Variants in CPNE8 observed in about 807,000 individuals in gnomAD.
The protein encoded by CPNE8 is copine-8.
CPNE8 carries 45 observed loss-of-function variants against 81.5 expected under a neutral mutation model. That is an observed-to-expected ratio of 0.55 (90% CI 0.44 to 0.71). CPNE8 has a LOEUF of 0.71. Ranked by LOEUF, CPNE8 falls within the 30% of genes least tolerant of loss-of-function variation. CPNE8 has a pLI of 0.00. For missense variants in CPNE8, 594 were observed against 672.1 expected, an observed-to-expected ratio of 0.88 and a Z score of 1.28; for synonymous variants, 252 against 226.3, an observed-to-expected ratio of 1.11 and a Z score of -1.02.
Position 38,685,575 on chromosome 12 carries a change from C to A in CPNE8, c.1186G>T (p.Val396Phe), listed in dbSNP as rs748500905. The part of the protein sequence containing the change: ...QNPYCDGIEG[V>F]MEAYYRSLKS... ...AGACTCCTGTAATAAGCCTCCATGA[C>A]CCCCTCAATGCCATCACAGTAGGGG... The change falls in exon 16 of 20, where the codon GTC (valine) becomes TTC (phenylalanine). Residue 396 changes from valine to phenylalanine, a missense_variant. Transcript: ENST00000331366. 1 of 1,613,390 alleles carries A rather than the reference C, an allele frequency of 6.2e-7. No individual in the cohort carries two copies. The highest frequency in any genetic ancestry group is 8.5e-7 in the Non-Finnish European group (1 of 1,179,592).
intron 3 of CPNE8, among the ~76,000 whole-genome samples, chr12:38,867,355 A>T (rs1331608122): frequency 6.6e-6 from 1 of 151,696 alleles, no homozygotes; most frequent in Non-Finnish European, 1.5e-5. Flanking sequence ...AGAGAGAGAG[A>T]GAGAGAGAGA....
At chr12:38,714,116 A>G (rs1404116403) in intron 13 of CPNE8, among the ~76,000 whole-genome samples, 1 of 152,178 alleles carries the variant, frequency 6.6e-6, no homozygotes, top group African/African-American at 2.4e-5. Context: ...ATTGAAATTT[A>G]TGATTCTGTC....
chr12:38,656,038 T>G (rs944804380), intron 19 of CPNE8, among the ~76,000 whole-genome samples: 9 of 150,926 alleles, frequency 6.0e-5, no homozygotes, highest in Non-Finnish European at 1.0e-4. Flanking sequence ...AGAACTTTTG[T>G]GAAGTGTTTA....
chr12:38,717,184 C>A (rs1416523929), intron 13 of CPNE8, among the ~76,000 whole-genome samples: 9 of 151,526 alleles, frequency 5.9e-5, no homozygotes, highest in Admixed American at 2.0e-4. Flanking sequence ...TTTTACACTG[C>A]TGGTGGGAAT....
chr12:38,793,735 T>C (rs1003531105), intron 6 of CPNE8, among the ~76,000 whole-genome samples: 4 of 151,908 alleles, frequency 2.6e-5, no homozygotes, highest in Non-Finnish European at 2.9e-5. Context: ...CTATAATTCA[T>C]ATAGAACCTC....
At chr12:38,813,449 A>G in intron 6 of CPNE8, among the ~76,000 whole-genome samples, 1 of 152,244 alleles carries the variant, frequency 6.6e-6, no homozygotes, top group East Asian at 1.9e-4. Context: ...TGATGCTATC[A>G]CAGAAATAAA....
At chr12:38,767,474 T>C (rs538578683) in intron 8 of CPNE8, among the ~76,000 whole-genome samples, 161 bp downstream of exon 8, 1 of 152,250 alleles carries the variant, frequency 6.6e-6, no homozygotes, top group East Asian at 1.9e-4. Flanking sequence ...AAAATGTTTA[T>C]AAAGTTGCAC....
intron 6 of CPNE8, among the ~76,000 whole-genome samples, chr12:38,808,267 G>T (rs545604376): frequency 2.0e-5 from 3 of 152,032 alleles, no homozygotes; most frequent in African/African-American, 7.2e-5. Context: ...ATACCCAAAC[G>T]AGTATAAATC....
intron 3 of CPNE8, among the ~76,000 whole-genome samples, chr12:38,866,320 A>C (rs1383405001): frequency 6.6e-6 from 1 of 152,334 alleles, no homozygotes; most frequent in South Asian, 2.1e-4. Context: ...GATTGAATGC[A>C]CAGCAGAATA....
chr12:38,836,637 C>T (rs905707572), intron 5 of CPNE8, among the ~76,000 whole-genome samples: 1 of 152,146 alleles, frequency 6.6e-6, no homozygotes, highest in Non-Finnish European at 1.5e-5. Flanking sequence ...CACATGCAAC[C>T]TGGGCACTTA....
chr12:38,844,282 A>G (rs1487934233), intron 4 of CPNE8, among the ~76,000 whole-genome samples: 1 of 152,174 alleles, frequency 6.6e-6, no homozygotes, highest in Non-Finnish European at 1.5e-5. Context: ...ATTATCCTCT[A>G]TCTGGCACAT....
At chr12:38,867,217 C>CCTCGTG (rs1943927105) in intron 3 of CPNE8, among the ~76,000 whole-genome samples, 1 of 151,928 alleles carries the variant, frequency 6.6e-6, no homozygotes, top group African/African-American at 2.4e-5. Context: ...CGAGGTTTCA[C>CCTCGTG]CTTTGGAAGC....
At chr12:38,795,272 C>T (rs1408621368) in intron 6 of CPNE8, among the ~76,000 whole-genome samples, 2 of 152,176 alleles carry the variant, frequency 1.3e-5, no homozygotes, top group Non-Finnish European at 2.9e-5. Context: ...ACATATATAT[C>T]CTATTAGTTC....
chr12:38,852,098 C>A (rs1483650663), intron 3 of CPNE8, among the ~76,000 whole-genome samples: 1 of 152,090 alleles, frequency 6.6e-6, no homozygotes, highest in Non-Finnish European at 1.5e-5. Flanking sequence ...CTGTCTTCCC[C>A]CTTAATAAAA....
chr12:38,886,770 G>C (rs1395323769), intron 1 of CPNE8, among the ~76,000 whole-genome samples: 1 of 152,134 alleles, frequency 6.6e-6, no homozygotes, highest in African/African-American at 2.4e-5. Flanking sequence ...TGTCGGCCCA[G>C]CCAGGGTCTG....
intron 1 of CPNE8, among the ~76,000 whole-genome samples, chr12:38,900,620 C>G (rs974276808): frequency 6.6e-6 from 1 of 152,130 alleles, no homozygotes; most frequent in African/African-American, 2.4e-5. Flanking sequence ...GGAGGTAGGG[C>G]AGGGCAAAGA....
intron 6 of CPNE8, among the ~76,000 whole-genome samples, chr12:38,785,189 G>GA (rs1191300015): frequency 0.023 from 2,244 of 97,922 alleles, 55 homozygotes; most frequent in African/African-American, 0.072. Context: ...CTCTGTCTCT[G>GA]AAAAAAAAAA....
At chr12:38,717,432 T>C (rs1212233698) in intron 13 of CPNE8, among the ~76,000 whole-genome samples, 1 of 115,120 alleles carries the variant, frequency 8.7e-6, no homozygotes, top group East Asian at 2.4e-4. Context: ...GTGTGGTGTA[T>C]ATATATATAT....
At chr12:38,681,992 G>A (rs1043142488) in intron 16 of CPNE8, among the ~76,000 whole-genome samples, 3 of 151,994 alleles carry the variant, frequency 2.0e-5, no homozygotes, top group Non-Finnish European at 4.4e-5. Context: ...AGGCTGAGGC[G>A]GGTGGATCAC....
Sources: gnomAD v4.1 joint callset for allele counts (sites outside exome capture counted in the v4.1 genomes callset) on GRCh38, gnomAD v4.1.1 for gene constraint, MANE v1.5 for transcripts, NCBI Gene and HGNC (gene_info 2026-07-23, HGNC 2026-07-21) for gene names.